TNRC6B: variants seen among roughly 807,000 people sequenced by gnomAD.
The protein encoded by TNRC6B is trinucleotide repeat containing adaptor 6B.
Under a neutral mutation model 203.6 loss-of-function variants are expected in TNRC6B, and 52 were observed. The observed-to-expected ratio is 0.26, with a 90% CI of 0.20 to 0.32. The LOEUF (loss-of-function observed/expected upper bound fraction) is 0.32, where lower values mean the gene tolerates loss of function less well. Among genes scored for constraint, TNRC6B ranks in the 10% least tolerant of loss-of-function variants. The pLI is 1.00. For missense variants in TNRC6B, 1,923 were observed against 2,286.2 expected, an observed-to-expected ratio of 0.84 and a Z score of 3.24; for synonymous variants, 838 against 845.7, an observed-to-expected ratio of 0.99 and a Z score of 0.16.
At chr22:40,202,055 T>C (rs1249064064) in intron 1 of TNRC6B, among the ~76,000 whole-genome samples, 2 of 152,162 alleles carry the variant, frequency 1.3e-5, no homozygotes, top group African/African-American at 4.8e-5. Context: ...AATACTTTTG[T>C]CTCAAGTAGT....
intron 3 of TNRC6B, among the ~76,000 whole-genome samples, chr22:40,146,528 G>A: frequency 6.6e-6 from 1 of 151,414 alleles, no homozygotes; most frequent in East Asian, 1.9e-4. Flanking sequence ...CCAAGTAGCT[G>A]GGATTACAGG....
intron 12 of TNRC6B, among the ~76,000 whole-genome samples, chr22:40,298,076 G>T (rs2070969129): frequency 1.3e-5 from 2 of 151,928 alleles, no homozygotes; most frequent in South Asian, 4.1e-4. Context: ...AGTGAGCCGA[G>T]ATTGCGCCAC....
chr22:40,250,313 C>T (rs1188153506), intron 2 of TNRC6B, among the ~76,000 whole-genome samples: 3 of 152,214 alleles, frequency 2.0e-5, no homozygotes. Flanking sequence ...CCTTTATTTT[C>T]CCCTCTTAAA....
chr22:40,300,990 A>G lies in TNRC6B; in HGVS notation c.3921A>G (p.Gln1307=), dbSNP rs767190393. 1 of 1,613,202 alleles carries G rather than the reference A, an allele frequency of 6.2e-7. No homozygotes were observed. The highest frequency in any genetic ancestry group is 1.1e-5 in the South Asian group (1 of 90,786). The change falls in exon 14 of 23, where the codon CAA becomes CAG. Residue 1307 remains glutamine (Q), a synonymous_variant. Coordinates refer to ENST00000454349, the MANE Select transcript of TNRC6B (RefSeq NM_001162501.2). ...GAAAGATTTCTCAAGCTGTACGCCA[A>G]CAGCAAGAGCAGCAGGTACGTGGGT... is the stretch of plus-strand genomic sequence containing the variant. The part of the protein sequence containing the change: ...NQRKISQAVR[Q]QQEQQLARMV...
chr22:40,315,463 G>T lies in TNRC6B; in HGVS notation c.4859G>T (p.Arg1620Leu), dbSNP rs1242433893. ...PSSPWSSTAP[R>L]SVRGWGTQDS... ...TCTCCCTGGAGCAGCACAGCACCCC[G>T]ATCAGTCAGGGGGTGGGGGACACAG... The change falls in exon 20 of 23, where the codon CGA (arginine) becomes CTA (leucine). Residue 1620 changes from arginine (R) to leucine (L), a missense_variant. By Grantham distance (102) the Arg-to-Leu change is moderately radical. Coordinates refer to ENST00000454349, the MANE Select transcript of TNRC6B (RefSeq NM_001162501.2). 1.2e-6 allele frequency: 2 copies of T among 1,613,880 alleles called. No individual in the cohort carries two copies. The highest frequency in any genetic ancestry group is 8.5e-7 in the Non-Finnish European group (1 of 1,179,904).
chr22:40,333,833 T>A lies in TNRC6B; in HGVS notation c.*10592T>A, dbSNP rs751551636. The A allele has an allele frequency of 6.6e-6, 1 of 152,662 alleles. No individual in the cohort carries two copies. The highest frequency in any genetic ancestry group is 1.5e-5 in the Non-Finnish European group (1 of 68,058). 9.5% of individuals were successfully genotyped at this position (152,662 alleles called of 1,614,324 possible). On this transcript the variant is annotated 3_prime_UTR_variant, in exon 23 of 23. Coordinates refer to ENST00000454349, the MANE Select transcript of TNRC6B (RefSeq NM_001162501.2). The stretch of plus-strand genomic sequence containing the variant: ...ATCTGTCAGCTATTGCTTGCCTAGA[T>A]TTGGGCACCCATGAAGCAGGGTTGG...
intron 7 of TNRC6B, 84 bp downstream of exon 7, chr22:40,273,684 A>T: frequency 7.1e-7 from 1 of 1,415,284 alleles, no homozygotes; most frequent in Non-Finnish European, 9.4e-7. Context: ...TTTTGTTTTG[A>T]GACAAGTTCT....
intron 3 of TNRC6B, among the ~76,000 whole-genome samples, chr22:40,131,182 A>G (rs1167439385): frequency 6.6e-6 from 1 of 152,028 alleles, no homozygotes; most frequent in Non-Finnish European, 1.5e-5. Flanking sequence ...AGCCTCCCAA[A>G]GTGCTGGGAT....
chr22:40,229,470 T>G (rs1259025461), intron 1 of TNRC6B, among the ~76,000 whole-genome samples: 2 of 151,996 alleles, frequency 1.3e-5, no homozygotes, highest in Non-Finnish European at 2.9e-5. Context: ...CTCTCTTCTT[T>G]GTTTTTCCTT....
chr22:40,242,216 G>A (rs1378042052), intron 1 of TNRC6B, among the ~76,000 whole-genome samples: 1 of 151,586 alleles, frequency 6.6e-6, no homozygotes, highest in African/African-American at 2.4e-5. Flanking sequence ...GTGTGCATGC[G>A]CACGTGCGTG....
intron 1 of TNRC6B, among the ~76,000 whole-genome samples, chr22:40,238,191 C>G (rs2069974201): frequency 6.6e-6 from 1 of 152,192 alleles, no homozygotes; most frequent in Non-Finnish European, 1.5e-5. Context: ...ATTCCCCTTC[C>G]CTTGTGCTCA....
intron 3 of TNRC6B, among the ~76,000 whole-genome samples, chr22:40,129,131 G>A (rs2068520202): frequency 6.6e-6 from 1 of 152,154 alleles, no homozygotes; most frequent in Admixed American, 6.5e-5. Flanking sequence ...ACAGGAAACA[G>A]CTGCAAAAGC....
At chr22:40,268,683 G>A (rs941771241) in intron 5 of TNRC6B, among the ~76,000 whole-genome samples, 9 of 151,916 alleles carry the variant, frequency 5.9e-5, no homozygotes, top group Non-Finnish European at 8.8e-5. Flanking sequence ...AGGCCGAGGC[G>A]GACAGATCAT....
chr22:40,126,609 T>TTA (rs1349596250), intron 3 of TNRC6B, among the ~76,000 whole-genome samples: 5 of 145,204 alleles, frequency 3.4e-5, no homozygotes, highest in African/African-American at 7.7e-5. Context: ...TTTTTTTTTT[T>TTA]AGACTGGGCC....
rs912683970 is a variant in TNRC6B, at chr22:40,139,612, G to A, written c.45+13750G>A. ...CTCCCAAAGTGCCGGGATTACAGGCGCGAGCCACTGTGCCTGGCCTGCATT... is the reference window on the plus strand; with the variant it reads ...CTCCCAAAGTGCCGGGATTACAGGCACGAGCCACTGTGCCTGGCCTGCATT... On this transcript the variant is annotated intron_variant, in intron 3 of 23. Coordinates refer to the TNRC6B transcript ENST00000301923. Among the ~76,000 whole-genome samples, 9 of 152,258 alleles carry A rather than the reference G, an allele frequency of 5.9e-5. No homozygotes were observed. In the South Asian group the frequency reaches 1.7e-3, roughly 28 times the overall value.
At chr22:40,157,162 T>C (rs1335598055) in intron 4 of TNRC6B, among the ~76,000 whole-genome samples, 1 of 152,100 alleles carries the variant, frequency 6.6e-6, no homozygotes, top group Non-Finnish European at 1.5e-5. Context: ...CTCTCCGTCA[T>C]AGAATGTGAA....
intron 1 of TNRC6B, among the ~76,000 whole-genome samples, chr22:40,080,618 T>G (rs977704672): frequency 6.6e-6 from 1 of 152,150 alleles, no homozygotes; most frequent in Non-Finnish European, 1.5e-5. Flanking sequence ...CTTCAAATTC[T>G]CACAGTTCCC....
intron 1 of TNRC6B, among the ~76,000 whole-genome samples, chr22:40,057,383 T>G (rs1315434991): frequency 6.8e-6 from 1 of 146,544 alleles, no homozygotes; most frequent in Admixed American, 7.1e-5. Context: ...AACCTCCGCC[T>G]CCTGGGTTCA....
chr22:40,280,570 A>G (rs998054639), intron 10 of TNRC6B, among the ~76,000 whole-genome samples: 2 of 152,198 alleles, frequency 1.3e-5, no homozygotes, highest in African/African-American at 2.4e-5. Flanking sequence ...TTTAGTTACA[A>G]TGGTATACTT....
Sources: gnomAD v4.1 joint callset for allele counts (sites outside exome capture counted in the v4.1 genomes callset) on GRCh38, gnomAD v4.1.1 for gene constraint, MANE v1.5 for transcripts, NCBI Gene and HGNC (gene_info 2026-07-23, HGNC 2026-07-21) for gene names.